Variants in SGK1 observed in about 807,000 individuals in gnomAD.
The protein encoded by SGK1 is serum/glucocorticoid regulated kinase 1, also known as serine/threonine-protein kinase Sgk1.
A neutral mutation model predicts 64.2 loss-of-function variants in SGK1; 26 were observed. The ratio of observed to expected loss-of-function variants is 0.40; its 90% CI spans 0.30 to 0.56. SGK1 has a LOEUF of 0.56. Ranked by LOEUF, SGK1 falls within the 20% of genes least tolerant of loss-of-function variation. The pLI is 0.38. For synonymous variants in SGK1, 265 were observed against 239.7 expected (o/e 1.11, Z -0.98); for missense variants, 519 against 645.6 (o/e 0.80, Z 2.12).
At chr6:134,244,304 CT>C (rs549173566) in intron 2 of SGK1, among the ~76,000 whole-genome samples, 30 of 152,246 alleles carry the variant, frequency 2.0e-4, no homozygotes, top group Admixed American at 5.2e-4. Flanking sequence ...ATAAGAACTC[CT>C]TTTTTTATGG....
At chr6:134,317,007 T>C (rs1340009790) in intron 1 of SGK1, among the ~76,000 whole-genome samples, 2 of 152,124 alleles carry the variant, frequency 1.3e-5, no homozygotes, top group East Asian at 1.9e-4. Flanking sequence ...GTAGAAAAGT[T>C]GAACCCTTCA....
intron 3 of SGK1, among the ~76,000 whole-genome samples, chr6:134,184,066 G>A (rs535972483): frequency 6.6e-6 from 1 of 152,010 alleles, no homozygotes; most frequent in Non-Finnish European, 1.5e-5. Context: ...TTGTACCACT[G>A]TGGTGCTCTC....
chr6:134,220,058 CAAAAAAAAAAAAAAA>C (rs55870107), intron 2 of SGK1, among the ~76,000 whole-genome samples: 3 of 61,350 alleles, frequency 4.9e-5, no homozygotes, highest in African/African-American at 1.1e-4. Context: ...GACTCCGTCT[CAAAAAAAAAAAAAAA>C]AAAAAAAAAA....
chr6:134,244,305 T>C (rs536786316), intron 2 of SGK1, among the ~76,000 whole-genome samples: 4 of 152,256 alleles, frequency 2.6e-5, no homozygotes, highest in African/African-American at 9.6e-5. Context: ...TAAGAACTCC[T>C]TTTTTTATGG....
rs902139938 is a variant in SGK1 at position 134,207,415 on chromosome 6, T to A, written c.302A>T (p.Asn101Ile). 2 of 1,609,978 alleles carry A rather than the reference T, an allele frequency of 1.2e-6. No homozygotes were observed. The highest frequency in any genetic ancestry group is 1.7e-6 in the Non-Finnish European group (2 of 1,176,538). Residue 101 changes from asparagine to isoleucine, a missense_variant, in exon 3 of 14, where the codon AAT becomes ATT. Transcript: ENST00000367858. The part of the protein sequence containing the change: ...QSGCEVREPC[N>I]HANILTKPDP... ...GGGCTTGGTCAGGATGTTGGCATGA[T>A]TACATGGCTCTCTCACCTTTAAAAC...
At position 134,262,160 on chromosome 6, in the gene SGK1, A is replaced by G; in HGVS notation, c.70-12T>C. 6.5e-7 allele frequency: 1 copy of G among 1,532,686 alleles called. No homozygotes were observed. 94.9% of individuals were successfully genotyped at this position (1,532,686 alleles called of 1,614,324 possible). Reference sequence around the variant, plus strand: ...ATCCACCTTCGTACCTGCAATGTGCAAAAGGAAAGAAAAAACAAATGTGTT... The same window carrying G: ...ATCCACCTTCGTACCTGCAATGTGCGAAAGGAAAGAAAAAACAAATGTGTT... On this transcript the variant is annotated splice_polypyrimidine_tract_variant and intron_variant, in intron 1 of 13. Transcript: ENST00000367858.
In SGK1 at chr6:134,181,982, C is replaced by G. The variant is rs1432411011; in HGVS notation, c.362-7396G>C. Among the ~76,000 whole-genome samples, 5 of 151,974 alleles carry G rather than the reference C, an allele frequency of 3.3e-5. No individual in the cohort carries two copies. The East Asian group carries it at 9.8e-4, about 30-fold the overall frequency. On this transcript the variant is annotated intron_variant, in intron 3 of 13. Coordinates refer to ENST00000367858, the MANE Select transcript of SGK1 (RefSeq NM_001143676.3). The stretch of plus-strand genomic sequence containing the variant: ...AAGTGATTCTCATGCCTCAGACTCT[C>G]AAGTAGCTGGGATTACAGGCACCTG...
At chr6:134,192,657 C>A (rs1318123537) in intron 3 of SGK1, among the ~76,000 whole-genome samples, 1 of 150,642 alleles carries the variant, frequency 6.6e-6, no homozygotes, top group Non-Finnish European at 1.5e-5. Flanking sequence ...GCAAACTCTG[C>A]CTCCCGGGTT....
At chr6:134,296,839 G>A (rs1418129971) in intron 1 of SGK1, among the ~76,000 whole-genome samples, 6 of 151,914 alleles carry the variant, frequency 3.9e-5, no homozygotes, top group African/African-American at 1.5e-4. Context: ...GGCAAGGGGG[G>A]GTCCCCAAGC....
chr6:134,171,563 G>T, intron 11 of SGK1, 74 bp downstream of exon 11: 1 of 1,054,488 alleles, frequency 9.5e-7, no homozygotes. Flanking sequence ...AGACACCATG[G>T]CCAAGCATGG....
At position 134,170,191 on chromosome 6, in the gene SGK1, T is replaced by G. The variant is rs148282184; in HGVS notation, c.*77A>C. On this transcript the variant is annotated 3_prime_UTR_variant, in exon 14 of 14. Coordinates refer to ENST00000367858, the MANE Select transcript of SGK1 (RefSeq NM_001143676.3). ...TTCTCTTGTAAGATGTCCTGTCAGC[T>G]GGCGGCTCCACCAAAAGGCTAACTA... 8.0e-7 allele frequency: 1 copy of G among 1,254,276 alleles called. No homozygotes were observed. The highest frequency in any genetic ancestry group is 1.5e-5 in the African/African-American group (1 of 67,038). 77.7% of individuals were successfully genotyped at this position (1,254,276 alleles called of 1,614,324 possible).
intron 2 of SGK1, chr6:134,230,445 A>G (rs1776258986): frequency 6.6e-6 from 1 of 152,220 alleles, no homozygotes; most frequent in Non-Finnish European, 1.5e-5. Context: ...CAATCATGTC[A>G]GGAGGCAAAG....
intron 2 of SGK1, among the ~76,000 whole-genome samples, chr6:134,244,877 G>A (rs973031534): frequency 6.6e-6 from 1 of 152,208 alleles, no homozygotes; most frequent in Non-Finnish European, 1.5e-5. Flanking sequence ...CCAGGTTCAA[G>A]TGATTCTCCT....
chr6:134,305,505 A>G (rs1777521946), intron 1 of SGK1, among the ~76,000 whole-genome samples: 1 of 151,248 alleles, frequency 6.6e-6, no homozygotes, highest in Non-Finnish European at 1.5e-5. Flanking sequence ...CCCAGGAAGC[A>G]GAGATTGCAG....
rs933904984 is a variant in SGK1 at position 134,206,513 on chromosome 6, A to T, written c.361+843T>A. Among the ~76,000 whole-genome samples the T allele has an allele frequency of 2.0e-5, 3 of 150,128 alleles. No individual in the cohort carries two copies. The Admixed American group carries it at 2.0e-4, about 10-fold the overall frequency. ...CATCACACTTATAAACGACAAAGGG[A>T]TCTAGTATATACGTTTTAGATACTG... On this transcript the variant is annotated intron_variant, in intron 3 of 13. Coordinates refer to ENST00000367858, the MANE Select transcript of SGK1 (RefSeq NM_001143676.3).
intron 1 of SGK1, among the ~76,000 whole-genome samples, chr6:134,266,039 A>C (rs1309949008): frequency 6.6e-6 from 1 of 151,972 alleles, no homozygotes; most frequent in Non-Finnish European, 1.5e-5. Flanking sequence ...GCTGGAGTGC[A>C]GTGGCGCGAT....
chr6:134,177,221 CAAACAAACAAAAACA>C lies in SGK1; in HGVS notation c.362-2650_362-2636del, dbSNP rs1444537872. 6.4e-3 allele frequency among the ~76,000 whole-genome samples: 748 copies of C among 116,982 alleles called. 14 individuals are homozygous for C. Among genetic ancestry groups the C allele is most frequent in the African/African-American group, 0.026 (709 of 27,636 alleles). The allele number at this position is 116,982 out of a possible 152,430, so 76.7% of individuals were successfully genotyped here. On this transcript the variant is annotated intron_variant, in intron 3 of 13. Coordinates refer to ENST00000367858, the MANE Select transcript of SGK1 (RefSeq NM_001143676.3). Reference sequence around the variant, plus strand: ...GAGCGAGACTCCGTCTCAAAACAAACAAACAAACAAAAACAAAACAAAAACAAAAACAAAAAAAAC... The same window carrying C: ...GAGCGAGACTCCGTCTCAAAACAAACAAACAAAAACAAAAACAAAAAAAAC...
intron 1 of SGK1, chr6:134,298,013 G>A (rs1777389422): frequency 9.2e-6 from 8 of 868,022 alleles, no homozygotes; most frequent in Non-Finnish European, 1.4e-5. Context: ...CCGAGATCTG[G>A]GACTGCAGCT....
intron 13 of SGK1, 117 bp from the exon 14 acceptor site, chr6:134,170,552 C>T: frequency 2.1e-6 from 2 of 936,268 alleles, no homozygotes; most frequent in Non-Finnish European, 3.2e-6. Flanking sequence ...CCATAATCAC[C>T]CACTTCAAGC....
Sources: gnomAD v4.1 joint callset for allele counts (sites outside exome capture counted in the v4.1 genomes callset) on GRCh38, gnomAD v4.1.1 for gene constraint, MANE v1.5 for transcripts, NCBI Gene and HGNC (gene_info 2026-07-23, HGNC 2026-07-21) for gene names.